The following USP10 variants were observed in gnomAD, a reference collection of about 807,000 sequenced individuals.
USP10 encodes ubiquitin specific peptidase 10, also known as ubiquitin carboxyl-terminal hydrolase 10.
A neutral mutation model predicts 84.5 loss-of-function variants in USP10; 22 were observed. The ratio of observed to expected loss-of-function variants is 0.26; its 90% CI spans 0.19 to 0.37. The LOEUF is 0.37. Among genes scored for constraint, USP10 ranks in the 10% least tolerant of loss-of-function variants. The probability of loss-of-function intolerance (pLI) is 1.00; values close to 1 mark genes in which losing one functional copy is unlikely to be tolerated. For missense variants in USP10, 1,019 were observed against 998.9 expected, an observed-to-expected ratio of 1.02 and a Z score of -0.27; for synonymous variants, 454 against 387.6, an observed-to-expected ratio of 1.17 and a Z score of -2.01.
chr16:84,778,488 A>G (rs1332786593), intron 13 of USP10, among the ~76,000 whole-genome samples: 2 of 152,208 alleles, frequency 1.3e-5, no homozygotes, highest in African/African-American at 4.8e-5. Context: ...AAATGACATC[A>G]TAATCTCTGT....
At chr16:84,726,396 C>T (rs1908483242) in intron 1 of USP10, among the ~76,000 whole-genome samples, 6 of 152,196 alleles carry the variant, frequency 3.9e-5, no homozygotes, top group Admixed American at 3.9e-4. Context: ...AGGGCAAGGT[C>T]TTTGTTTTTC....
At chr16:84,771,666 C>G (rs7501406) in intron 11 of USP10, among the ~76,000 whole-genome samples, 1 of 152,122 alleles carries the variant, frequency 6.6e-6, no homozygotes, top group Non-Finnish European at 1.5e-5. Context: ...GTCAGGAGTT[C>G]AAGACCAGCC....
chr16:84,728,348 G>A (rs189605638), intron 1 of USP10, among the ~76,000 whole-genome samples: 1 of 129,680 alleles, frequency 7.7e-6, no homozygotes, highest in East Asian at 2.3e-4. Flanking sequence ...TAAATATTTG[G>A]CCTTTTTTAC....
rs557320358 is a variant in USP10 at position 84,750,565 on chromosome 16, G to A, written c.1192+4892G>A. Reference sequence around the variant, plus strand: ...ACTTTGGAGTTGACGAACATGTGACGTTTGAAATTGAACGTATGCTTTCAT... The same window carrying A: ...ACTTTGGAGTTGACGAACATGTGACATTTGAAATTGAACGTATGCTTTCAT... On this transcript the variant is annotated intron_variant, in intron 4 of 13. Transcript: ENST00000219473. Among the ~76,000 whole-genome samples the A allele has an allele frequency of 5.3e-5, 8 of 152,226 alleles. No individual in the cohort carries two copies. The South Asian group carries it at 1.2e-3, about 24-fold the overall frequency.
chr16:84,759,596 A>C, intron 6 of USP10, 124 bp downstream of exon 6: 1 of 927,470 alleles, frequency 1.1e-6, no homozygotes, highest in Non-Finnish European at 1.7e-6. Context: ...GTCTTTTTTT[A>C]AAAATAGACT....
intron 1 of USP10, among the ~76,000 whole-genome samples, chr16:84,714,750 A>C (rs1906778738): frequency 6.6e-6 from 1 of 151,992 alleles, no homozygotes; most frequent in South Asian, 2.1e-4. Context: ...GAACGTCCTT[A>C]ATTCATTGAT....
chr16:84,738,029 C>T lies in USP10; in HGVS notation c.91-2280C>T, dbSNP rs1042220119. Among the ~76,000 whole-genome samples, 15 of 152,228 alleles carry T rather than the reference C, an allele frequency of 9.9e-5. No homozygotes were observed. In the East Asian group the frequency reaches 2.9e-3, roughly 29 times the overall value. On this transcript the variant is annotated intron_variant, in intron 2 of 13. Transcript: ENST00000219473. ...CTGGGAGTTGAGTGAGTGTTCACAC[C>T]CCGTGGTTGAATGTTGAGGAAGGGG...
chr16:84,702,462 C>A (rs528624327), intron 1 of USP10, among the ~76,000 whole-genome samples: 29 of 152,206 alleles, frequency 1.9e-4, no homozygotes, highest in Non-Finnish European at 3.5e-4. Flanking sequence ...TCATTCTGAG[C>A]GTTTTAATAA....
chr16:84,772,087 T>C (rs763677569), intron 11 of USP10, among the ~76,000 whole-genome samples: 3 of 152,156 alleles, frequency 2.0e-5, no homozygotes. Flanking sequence ...GATCTCGCTG[T>C]GTTGCCCAGG....
At chr16:84,770,958 C>T (rs886247925) in intron 11 of USP10, among the ~76,000 whole-genome samples, 1 of 151,434 alleles carries the variant, frequency 6.6e-6, no homozygotes, top group Non-Finnish European at 1.5e-5. Context: ...CCCAGCCTCT[C>T]AGGAGGCTGA....
At chr16:84,766,982 G>A (rs1207963034) in intron 10 of USP10, among the ~76,000 whole-genome samples, 1 of 152,044 alleles carries the variant, frequency 6.6e-6, no homozygotes, top group Non-Finnish European at 1.5e-5. Flanking sequence ...CTAAAACACA[G>A]GACCACTGAA....
At chr16:84,764,025 C>CTTTT (rs576095842) in intron 9 of USP10, 61 bp from the exon 10 acceptor site, 1 of 1,239,520 alleles carries the variant, frequency 8.1e-7, no homozygotes, top group African/African-American at 1.5e-5. Context: ...AGATCTGTGC[C>CTTTT]TTTTTTTTTT....
intron 1 of USP10, chr16:84,704,811 T>TC: frequency 2.0e-6 from 3 of 1,535,686 alleles, no homozygotes; most frequent in Non-Finnish European, 2.6e-6. Context: ...TGCCATTCTG[T>TC]CCCGTCTTGA....
At chr16:84,714,844 T>C (rs547493366) in intron 1 of USP10, among the ~76,000 whole-genome samples, 7 of 151,734 alleles carry the variant, frequency 4.6e-5, no homozygotes, top group Non-Finnish European at 8.8e-5. Flanking sequence ...TGAATTTTTT[T>C]AAATTTTAAA....
chr16:84,732,873 C>G (rs936690501), intron 1 of USP10, among the ~76,000 whole-genome samples: 2 of 152,174 alleles, frequency 1.3e-5, no homozygotes, highest in Non-Finnish European at 2.9e-5. Flanking sequence ...TGAAATCAGG[C>G]TTGCAACAAG....
intron 1 of USP10, among the ~76,000 whole-genome samples, chr16:84,724,871 A>G (rs1054876265): frequency 9.2e-5 from 14 of 152,234 alleles, no homozygotes; most frequent in Non-Finnish European, 2.1e-4. Context: ...AGATGTCCTC[A>G]GAACCACCCA....
intron 1 of USP10, among the ~76,000 whole-genome samples, chr16:84,714,165 G>T (rs371792041): frequency 2.0e-5 from 3 of 152,346 alleles, no homozygotes; most frequent in East Asian, 3.9e-4. Flanking sequence ...GAGAAGCGTG[G>T]AGGGCTTGAA....
At chr16:84,710,269 G>GAA (rs570292528) in intron 1 of USP10, among the ~76,000 whole-genome samples, 29 of 125,564 alleles carry the variant, frequency 2.3e-4, no homozygotes, top group African/African-American at 5.9e-4. Context: ...CTCCATCTCG[G>GAA]AAAAAAAAAA....
chr16:84,731,039 G>A (rs2150795931), intron 1 of USP10, among the ~76,000 whole-genome samples: 1 of 145,644 alleles, frequency 6.9e-6, no homozygotes, highest in Non-Finnish European at 1.5e-5. Flanking sequence ...GAGTGCAGTG[G>A]CTCATTCTCG....
Sources: allele counts gnomAD v4.1 joint callset (sites outside exome capture counted in the v4.1 genomes callset), GRCh38; gene constraint gnomAD v4.1.1; transcripts MANE v1.5; gene names NCBI Gene and HGNC (gene_info 2026-07-23, HGNC 2026-07-21).